Variants in GMCL1 observed in about 807,000 individuals in gnomAD.
The protein encoded by GMCL1 is germ cell-less 1, spermatogenesis associated, also known as germ cell-less protein-like 1.
A neutral mutation model predicts 75.5 loss-of-function variants in GMCL1; 54 were observed. The ratio of observed to expected loss-of-function variants is 0.71; its 90% CI spans 0.57 to 0.90. GMCL1 has a LOEUF of 0.90. GMCL1 is among the 40% of genes least tolerant of loss of function. The probability of loss-of-function intolerance (pLI) is 0.00; values close to 1 mark genes in which losing one functional copy is unlikely to be tolerated. For missense variants in GMCL1, 537 were observed against 622.7 expected (o/e 0.86, Z 1.47); for synonymous variants, 210 against 209.6 (o/e 1.00, Z -0.02).
At chr2:69,853,932 G>A (rs1009012859) in intron 8 of GMCL1, among the ~76,000 whole-genome samples, 2 of 151,714 alleles carry the variant, frequency 1.3e-5, no homozygotes, top group African/African-American at 4.8e-5. Flanking sequence ...CTCCCAGTTA[G>A]CTGGGTTTAC....
At chr2:69,866,249 G>GAAA (rs57495632) in intron 11 of GMCL1, among the ~76,000 whole-genome samples, 1 of 133,238 alleles carries the variant, frequency 7.5e-6, no homozygotes, top group Non-Finnish European at 1.7e-5. Context: ...TCCATCTCAA[G>GAAA]AAAAAAAAAA....
intron 6 of GMCL1, among the ~76,000 whole-genome samples, chr2:69,846,665 C>T (rs1055730815): frequency 2.0e-5 from 3 of 151,280 alleles, no homozygotes; most frequent in Non-Finnish European, 2.9e-5. Context: ...AAAGGAAAAG[C>T]AAAACAAAAC....
Position 69,840,993 on chromosome 2 carries a change from CCA to C in GMCL1, c.534_535del (p.Arg180SerfsTer22), listed in dbSNP as rs750017359. On this transcript the variant is annotated frameshift_variant, in exon 4 of 14. Transcript: ENST00000282570. LOFTEE classifies it high-confidence loss of function. Reference sequence around the variant, plus strand: ...TATCGAGATGATGTCTTGATAAAGCCCAGTCGAGTTGTTGCCATTTTGGCAGC... The same window carrying C: ...TATCGAGATGATGTCTTGATAAAGCCGTCGAGTTGTTGCCATTTTGGCAGC... The C allele has an allele frequency of 1.9e-6, 3 of 1,613,858 alleles. No homozygotes were observed.
intron 9 of GMCL1, among the ~76,000 whole-genome samples, chr2:69,856,640 CTTTTTTTTTTTTTT>C (rs34707640): frequency 1.1e-4 from 10 of 89,858 alleles, no homozygotes; most frequent in South Asian, 5.3e-4. Flanking sequence ...CTCTTCCCTC[CTTTTTTTTTTTTTT>C]TTTTTTTTTT....
chr2:69,878,883 A>T (rs1481158124), intron 13 of GMCL1, 26 bp from the exon 14 acceptor site: 2 of 1,489,586 alleles, frequency 1.3e-6, no homozygotes, highest in Non-Finnish European at 1.9e-6. Context: ...TCTAATTGTC[A>T]TTGAATCTAC....
At position 69,854,846 on chromosome 2, in the gene GMCL1, G is replaced by A. The variant is rs1358444663; in HGVS notation, c.958G>A (p.Glu320Lys). ...AGATTTTGAAGGTATGGCCTTTCTT[G>A]AAACTGAACAAGGAAAACCATTTGT... ...RKDFEGMAFL[E>K]TEQGKPFVSV... The change falls in exon 9 of 14, where the codon GAA becomes AAA. Residue 320 changes from glutamate (E) to lysine (K), a missense_variant. By Grantham distance (56) the Glu-to-Lys change is moderately conservative (BLOSUM62 1). Transcript: ENST00000282570. 6.2e-7 allele frequency: 1 copy of A among 1,609,736 alleles called. No homozygotes were observed.
In GMCL1 at chr2:69,837,643, G is replaced by A. The variant is rs758201792; in HGVS notation, c.357G>A (p.Trp119Ter). The A allele has an allele frequency of 6.3e-7, 1 of 1,599,542 alleles. No individual in the cohort carries two copies. The highest frequency in any genetic ancestry group is 1.1e-5 in the South Asian group (1 of 87,028). The change falls in exon 2 of 14, where the codon TGG becomes TGA. Residue 119 changes from tryptophan to a stop codon, truncating the protein, a stop_gained. Transcript: ENST00000282570. LOFTEE classifies it high-confidence loss of function. ...AGATTTGTGCTCTAGGAGAAGAATG[G>A]AGCTTACACAAAATATATTTATGTC... The part of the protein sequence containing the change: ...DIKICALGEE[W>*]SLHKIYLCQS...
chr2:69,868,090 A>G (rs993958501), intron 11 of GMCL1, among the ~76,000 whole-genome samples: 4 of 152,128 alleles, frequency 2.6e-5, no homozygotes, highest in Non-Finnish European at 5.9e-5. Context: ...GACTCTATCC[A>G]TGCTCACCTA....
At chr2:69,834,227 C>G (rs1308693258) in intron 1 of GMCL1, among the ~76,000 whole-genome samples, 1 of 152,126 alleles carries the variant, frequency 6.6e-6, no homozygotes, top group Non-Finnish European at 1.5e-5. Flanking sequence ...ACAGAAAAGT[C>G]TTTTGAAACA....
At chr2:69,849,268 CA>C (rs1026555441) in intron 7 of GMCL1, among the ~76,000 whole-genome samples, 2 of 152,064 alleles carry the variant, frequency 1.3e-5, no homozygotes, top group Non-Finnish European at 2.9e-5. Context: ...CTCTAGGGCT[CA>C]AAAGGTTCTC....
intron 6 of GMCL1, among the ~76,000 whole-genome samples, chr2:69,845,392 G>T (rs148766940): frequency 6.6e-6 from 1 of 152,296 alleles, no homozygotes; most frequent in East Asian, 1.9e-4. Flanking sequence ...AAGAAATATG[G>T]CGGTGACAAT....
rs911092145 is a variant in GMCL1, at chr2:69,880,710, T to C, written c.*1706T>C. On this transcript the variant is annotated 3_prime_UTR_variant, in exon 14 of 14. Coordinates refer to ENST00000282570, the MANE Select transcript of GMCL1 (RefSeq NM_178439.5). ...ACACAAAATAAAAATTAGCCAGGCA[T>C]GGTGGCACACGCCTGTCATCTCAGC... 1.3e-5 allele frequency: 2 copies of C among 152,176 alleles called. No individual in the cohort carries two copies. Among genetic ancestry groups the C allele is most frequent in the Non-Finnish European group, 2.9e-5 (2 of 68,074 alleles). 9.4% of individuals were successfully genotyped at this position (152,176 alleles called of 1,614,324 possible).
chr2:69,878,782 G>A lies in GMCL1; in HGVS notation c.1453-127G>A. 4 of 728,964 alleles carry A rather than the reference G, an allele frequency of 5.5e-6. No individual in the cohort carries two copies. The East Asian group carries it at 7.5e-5, about 14-fold the overall frequency. 45.2% of individuals were successfully genotyped at this position (728,964 alleles called of 1,614,324 possible). A position where few individuals can be genotyped will look rare whatever the true frequency, so the allele number is the denominator to read the frequency against. On this transcript the variant is annotated intron_variant, in intron 13 of 13. Transcript: ENST00000282570. ...AAGGTCACACAGCTAATGGGTGGGA[G>A]TTTGGAGAGTGGAGTTGTGGATCTC...
At chr2:69,862,674 G>A (rs1427921576) in intron 10 of GMCL1, among the ~76,000 whole-genome samples, 5 of 151,952 alleles carry the variant, frequency 3.3e-5, no homozygotes, top group African/African-American at 4.8e-5. Context: ...CAGGAGAATC[G>A]CTTGAACCCG....
At chr2:69,856,110 A>G (rs1186950585) in intron 9 of GMCL1, among the ~76,000 whole-genome samples, 1 of 152,224 alleles carries the variant, frequency 6.6e-6, no homozygotes, top group African/African-American at 2.4e-5. Flanking sequence ...TTGTTACCGT[A>G]TCTTACAGAT....
chr2:69,844,247 AT>A (rs1322460484), intron 6 of GMCL1, 51 bp downstream of exon 6: 40 of 1,047,414 alleles, frequency 3.8e-5, no homozygotes, highest in Non-Finnish European at 5.0e-5. Context: ...AATATTGTTT[AT>A]CATTTGTTAA....
In GMCL1 at chr2:69,841,116, T is replaced by C. The variant is rs1468848526; in HGVS notation, c.579+77T>C. 10 of 910,694 alleles carry C rather than the reference T, an allele frequency of 1.1e-5. No individual in the cohort carries two copies. In the Admixed American group the frequency reaches 2.3e-4, roughly 21 times the overall value. The allele number at this position is 910,694 out of a possible 1,614,324, so 56.4% of individuals were successfully genotyped here. ...AAAGTGTGTACTCCAAAAACAAAAATAAAGCTTAGCTTTTTTGGAGTTTTT... is the reference window on the plus strand; with the variant it reads ...AAAGTGTGTACTCCAAAAACAAAAACAAAGCTTAGCTTTTTTGGAGTTTTT... On this transcript the variant is annotated intron_variant, in intron 4 of 13. Coordinates refer to ENST00000282570, the MANE Select transcript of GMCL1 (RefSeq NM_178439.5).
chr2:69,860,674 C>T (rs543371609), intron 9 of GMCL1, among the ~76,000 whole-genome samples: 102 of 152,144 alleles, frequency 6.7e-4, no homozygotes, highest in Non-Finnish European at 1.1e-3. Flanking sequence ...AAACGTTAAA[C>T]GCAAGAATAT....
intron 13 of GMCL1, among the ~76,000 whole-genome samples, chr2:69,874,252 T>G (rs1445543226): frequency 6.6e-6 from 1 of 152,204 alleles, no homozygotes; most frequent in Non-Finnish European, 1.5e-5. Context: ...CAATTTATAC[T>G]TCCCCCTGGC....
Sources: allele counts gnomAD v4.1 joint callset (sites outside exome capture counted in the v4.1 genomes callset), GRCh38; gene constraint gnomAD v4.1.1; transcripts MANE v1.5; gene names NCBI Gene and HGNC (gene_info 2026-07-23, HGNC 2026-07-21).